CAPSL: variants seen among roughly 807,000 people sequenced by gnomAD.
The protein encoded by CAPSL is calcyphosin-like protein.
In CAPSL, 17 loss-of-function variants were observed where a neutral mutation model predicts 21.3. The observed-to-expected ratio is 0.80, with a 90% CI of 0.55 to 1.20. The LOEUF is 1.20. Ranked by LOEUF, CAPSL falls within the 50% of genes most tolerant of loss-of-function variation. CAPSL has a pLI of 0.00. For missense variants in CAPSL, 289 were observed against 259.3 expected (o/e 1.11, Z -0.79); for synonymous variants, 102 against 89.3 (o/e 1.14, Z -0.80).
chr5:35,906,386 G>T (rs852253), intron 4 of CAPSL, among the ~76,000 whole-genome samples: 24,092 of 151,920 alleles, frequency 0.16, 3,009 homozygotes, highest in East Asian at 0.5. Context: ...AAGTAATAGA[G>T]TTCTCACCAA....
At chr5:35,928,928 G>A (rs549511122) in intron 1 of CAPSL, among the ~76,000 whole-genome samples, 4 of 150,424 alleles carry the variant, frequency 2.7e-5, no homozygotes, top group African/African-American at 7.3e-5. Flanking sequence ...TAGATGCTGC[G>A]GCTGGGCACT....
At chr5:35,922,589 C>T (rs1738567771) in intron 1 of CAPSL, among the ~76,000 whole-genome samples, 2 of 152,316 alleles carry the variant, frequency 1.3e-5, no homozygotes, top group Admixed American at 6.5e-5. Context: ...GGCACCTAAG[C>T]AGAGGTTCCC....
At chr5:35,919,170 AAT>A (rs1554069749) in intron 2 of CAPSL, among the ~76,000 whole-genome samples, 41 of 121,274 alleles carry the variant, frequency 3.4e-4, no homozygotes, top group African/African-American at 1.2e-3. Context: ...TAAAAAAAAA[AAT>A]ATATATATAT....
At chr5:35,934,111 C>T (rs933544775) in intron 1 of CAPSL, among the ~76,000 whole-genome samples, 1 of 152,118 alleles carries the variant, frequency 6.6e-6, no homozygotes. Context: ...TTTCTTTATA[C>T]AAAGCTGTCT....
chr5:35,924,474 G>T (rs905782318), intron 1 of CAPSL, among the ~76,000 whole-genome samples: 6 of 152,170 alleles, frequency 3.9e-5, no homozygotes, highest in African/African-American at 1.4e-4. Context: ...TGCCAGCCCA[G>T]TACCTCAGGC....
At chr5:35,920,002 C>T (rs1189745243) in intron 2 of CAPSL, among the ~76,000 whole-genome samples, 1 of 152,082 alleles carries the variant, frequency 6.6e-6, no homozygotes, top group African/African-American at 2.4e-5. Flanking sequence ...GGAAGTGACA[C>T]AATATTGAGG....
At chr5:35,908,294 T>G (rs1422255605) in intron 4 of CAPSL, among the ~76,000 whole-genome samples, 1 of 152,180 alleles carries the variant, frequency 6.6e-6, no homozygotes. Context: ...TCCTCCCTGA[T>G]GATGATTATG....
intron 1 of CAPSL, among the ~76,000 whole-genome samples, chr5:35,921,411 G>C (rs10042510): frequency 0.99 from 151,518 of 152,340 alleles, 75,356 homozygotes; most frequent in Middle Eastern, 1. Flanking sequence ...TAAAAGAAGT[G>C]CAATTTCTCT....
rs78332191 is a variant in CAPSL at position 35,936,165 on chromosome 5, C to A, written c.-1+2376G>T. ...CAGTTATGAACAAATTCACATCATC[C>A]TCCTCCAAATCTATAAAAGTATAGC... is the stretch of plus-strand genomic sequence containing the variant. On this transcript the variant is annotated intron_variant, in intron 1 of 4. Coordinates refer to ENST00000651391, the MANE Select transcript of CAPSL (RefSeq NM_001042625.2). Among the ~76,000 whole-genome samples, 907 of 152,224 alleles carry A rather than the reference C, an allele frequency of 6.0e-3. 17 individuals carry two copies. The highest frequency in any genetic ancestry group is 0.054 in the East Asian group (281 of 5,162).
At chr5:35,916,709 T>A (rs1270525452) in intron 2 of CAPSL, among the ~76,000 whole-genome samples, 1 of 152,142 alleles carries the variant, frequency 6.6e-6, no homozygotes, top group Non-Finnish European at 1.5e-5. Context: ...TACACAAAAA[T>A]TAATTCAAGA....
chr5:35,926,488 G>T (rs1236275638), intron 1 of CAPSL, among the ~76,000 whole-genome samples: 1 of 152,106 alleles, frequency 6.6e-6, no homozygotes, highest in Non-Finnish European at 1.5e-5. Context: ...TGGATTTTGC[G>T]AATTATTGTA....
chr5:35,915,043 A>G (rs2149921236), intron 2 of CAPSL, among the ~76,000 whole-genome samples: 1 of 152,366 alleles, frequency 6.6e-6, no homozygotes, highest in East Asian at 1.9e-4. Context: ...CACCGATCCC[A>G]CAGAAATACA....
chr5:35,904,615 G>C lies in CAPSL; in HGVS notation c.557C>G (p.Ala186Gly), dbSNP rs775662960. 4.3e-6 allele frequency: 7 copies of C among 1,613,664 alleles called. No individual in the cohort carries two copies. Among genetic ancestry groups the C allele is most frequent in the African/African-American group, 1.3e-5 (1 of 74,828 alleles). The change falls in exon 5 of 5, where the codon GCA (alanine) becomes GGA (glycine). Residue 186 changes from alanine (A) to glycine (G), a missense_variant. Transcript: ENST00000651391. ...VTPEEFMNYY[A>G]GVSASIDTDV... Reference sequence around the variant, plus strand: ...AGTGTCAATGGATGCGCTCACACCTGCATAGTAGTTCATGAACTCCTCAGG... The same window carrying C: ...AGTGTCAATGGATGCGCTCACACCTCCATAGTAGTTCATGAACTCCTCAGG...
At chr5:35,936,367 A>G (rs1019213775) in intron 1 of CAPSL, among the ~76,000 whole-genome samples, 1 of 152,072 alleles carries the variant, frequency 6.6e-6, no homozygotes, top group African/African-American at 2.4e-5. Context: ...TTAGTTCATG[A>G]ATCCGCTGTG....
intron 1 of CAPSL, among the ~76,000 whole-genome samples, chr5:35,922,529 A>C (rs1015731067): frequency 6.6e-6 from 1 of 152,170 alleles, no homozygotes. Flanking sequence ...ACTCCACATT[A>C]GGAAAAACTT....
chr5:35,915,744 C>T (rs1738362585), intron 2 of CAPSL, among the ~76,000 whole-genome samples: 1 of 152,208 alleles, frequency 6.6e-6, no homozygotes, highest in South Asian at 2.1e-4. Context: ...GACAAACCCA[C>T]AGCCAGTATC....
intron 1 of CAPSL, among the ~76,000 whole-genome samples, chr5:35,936,410 C>CT (rs1738948279): frequency 1.3e-5 from 2 of 152,156 alleles, no homozygotes; most frequent in Non-Finnish European, 2.9e-5. Context: ...CTAGCTATCA[C>CT]CCCTCAAAGT....
intron 2 of CAPSL, 85 bp from the exon 3 acceptor site, chr5:35,910,628 G>T: frequency 9.7e-7 from 1 of 1,030,092 alleles, no homozygotes; most frequent in South Asian, 1.8e-5. Context: ...CCACACTCAA[G>T]GTTTCGTCAA....
intron 1 of CAPSL, among the ~76,000 whole-genome samples, chr5:35,932,385 G>A (rs951489202): frequency 2.6e-5 from 4 of 152,104 alleles, no homozygotes; most frequent in African/African-American, 9.7e-5. Context: ...AGCCATAGCA[G>A]CTCCAGCTAT....
Sources: allele counts gnomAD v4.1 joint callset (sites outside exome capture counted in the v4.1 genomes callset), GRCh38; gene constraint gnomAD v4.1.1; transcripts MANE v1.5; gene names NCBI Gene and HGNC (gene_info 2026-07-23, HGNC 2026-07-21).